Variants in ARHGAP35 observed in about 807,000 individuals in gnomAD.
ARHGAP35 encodes Rho GTPase activating protein 35.
In ARHGAP35, 15 loss-of-function variants were observed where a neutral mutation model predicts 111.1. The ratio of observed to expected loss-of-function variants is 0.13; its 90% confidence interval spans 0.09 to 0.21. The LOEUF is 0.21. Among genes scored for constraint, ARHGAP35 ranks in the 10% least tolerant of loss-of-function variants. The probability of loss-of-function intolerance (pLI) is 1.00; values close to 1 mark genes in which losing one functional copy is unlikely to be tolerated. For missense variants in ARHGAP35, 1,262 were observed against 1,873.0 expected (o/e 0.67, Z 6.02); for synonymous variants, 643 against 710.3 (o/e 0.91, Z 1.51).
intron 1 of ARHGAP35, among the ~76,000 whole-genome samples, chr19:46,888,077 G>A (rs1447221766): frequency 6.7e-5 from 10 of 149,496 alleles, no homozygotes; most frequent in African/African-American, 2.5e-4. Context: ...TCAGCCTCCT[G>A]AGTAGCTGGG....
chr19:46,883,102 C>CT (rs946694181), intron 1 of ARHGAP35, among the ~76,000 whole-genome samples: 47 of 148,194 alleles, frequency 3.2e-4, no homozygotes, highest in Non-Finnish European at 4.4e-4. Flanking sequence ...GGCCTAATTT[C>CT]TTTTTTTTTT....
At chr19:46,863,502 T>A (rs2055840074) in intron 1 of ARHGAP35, among the ~76,000 whole-genome samples, 1 of 152,132 alleles carries the variant, frequency 6.6e-6, no homozygotes, top group Admixed American at 6.5e-5. Context: ...TTTGCAGCTT[T>A]GTGTCCTTTG....
intron 1 of ARHGAP35, among the ~76,000 whole-genome samples, chr19:46,887,777 A>C (rs1310335259): frequency 6.6e-6 from 1 of 152,038 alleles, no homozygotes; most frequent in Non-Finnish European, 1.5e-5. Flanking sequence ...AACAAAATAC[A>C]TAAAGATCAC....
chr19:46,920,979 C>T lies in ARHGAP35; in HGVS notation c.2304C>T (p.Val768=), dbSNP rs1338900245. The part of the protein sequence containing the change: ...LLDSKRNLNL[V]SSTASIKDLA... ...ACTCTAAGCGTAACTTAAACCTGGT[C>T]AGTTCTACTGCTAGCATCAAAGATT... Residue 768 remains valine (V), a synonymous_variant, in exon 2 of 7, where the codon GTC becomes GTT. Transcript: ENST00000672722. The surrounding 1 kb of genome is among the most constrained non-coding windows in gnomAD (Gnocchi z 7.0). 1 of 1,613,972 alleles carries T rather than the reference C, an allele frequency of 6.2e-7. No homozygotes were observed. Among genetic ancestry groups the T allele is most frequent in the Non-Finnish European group, 8.5e-7 (1 of 1,179,902 alleles).
intron 5 of ARHGAP35, among the ~76,000 whole-genome samples, chr19:46,998,466 C>G (rs975211383): frequency 1.4e-4 from 21 of 152,234 alleles, no homozygotes; most frequent in Admixed American, 3.9e-4. Context: ...GCCTCACCAG[C>G]CCCGATGCCC....
intron 1 of ARHGAP35, among the ~76,000 whole-genome samples, chr19:46,877,709 AT>A (rs764786143): frequency 6.7e-5 from 10 of 150,202 alleles, no homozygotes; most frequent in South Asian, 2.1e-4. Flanking sequence ...TATTTTATTA[AT>A]TTTTTTTTTG....
At chr19:46,889,572 C>T (rs1479591192) in intron 1 of ARHGAP35, among the ~76,000 whole-genome samples, 1 of 152,074 alleles carries the variant, frequency 6.6e-6, no homozygotes, top group African/African-American at 2.4e-5. Flanking sequence ...AGACATGGCT[C>T]CTGCTTTTGA....
intron 1 of ARHGAP35, among the ~76,000 whole-genome samples, chr19:46,886,269 C>T (rs1016884198): frequency 3.3e-5 from 5 of 152,116 alleles, no homozygotes; most frequent in Admixed American, 2.6e-4. Context: ...CCACCAGTCA[C>T]GTGTTGCTAC....
At chr19:46,996,885 C>T (rs982391472) in intron 5 of ARHGAP35, among the ~76,000 whole-genome samples, 3 of 151,886 alleles carry the variant, frequency 2.0e-5, no homozygotes, top group African/African-American at 4.8e-5. Context: ...TGGCCGGGTG[C>T]GGTGGCTCAC....
intron 2 of ARHGAP35, 33 bp from the exon 3 acceptor site, chr19:46,937,230 TG>T (rs1265002525): frequency 1.2e-6 from 2 of 1,612,688 alleles, no homozygotes; most frequent in Admixed American, 1.7e-5. Flanking sequence ...ATACTCACTT[TG>T]TTTTTGTGCT....
chr19:46,988,129 G>A lies in ARHGAP35; in HGVS notation c.3904+63G>A, dbSNP rs116564104. On this transcript the variant is annotated intron_variant, in intron 4 of 6. Transcript: ENST00000672722. This position sits in a 1 kb window ranked among gnomAD's most constrained non-coding sequence, Gnocchi z 5.4. The stretch of plus-strand genomic sequence containing the variant: ...TGGTCAAGGCAGACACAGCTGCCTC[G>A]GTGAACTGTCTGTGGGGCTTCGGAG... The A allele has an allele frequency of 4.0e-4, 603 of 1,510,220 alleles. 2 individuals are homozygous for A. In the Middle Eastern group the frequency reaches 4.6e-3, roughly 11 times the overall value. The allele number at this position is 1,510,220 out of a possible 1,614,324, so 93.6% of individuals were successfully genotyped here.
Position 46,985,672 on chromosome 19 carries a change from A to C in ARHGAP35, c.3827-2317A>C, listed in dbSNP as rs1426703122. Among the ~76,000 whole-genome samples the C allele has an allele frequency of 2.6e-5, 4 of 152,226 alleles. No individual in the cohort carries two copies. In the East Asian group the frequency reaches 7.7e-4, roughly 29 times the overall value. On this transcript the variant is annotated intron_variant, in intron 3 of 6. Coordinates refer to ENST00000672722, the MANE Select transcript of ARHGAP35 (RefSeq NM_004491.5). ...GGACAAAGCACCTAGCTCAGTGCACAGCGTGTGACCACTCTGATATGGAAA... is the reference window on the plus strand; with the variant it reads ...GGACAAAGCACCTAGCTCAGTGCACCGCGTGTGACCACTCTGATATGGAAA...
intron 1 of ARHGAP35, among the ~76,000 whole-genome samples, chr19:46,869,698 T>C (rs1246275736): frequency 6.6e-6 from 1 of 152,062 alleles, no homozygotes; most frequent in East Asian, 1.9e-4. Context: ...ACAAATTGAT[T>C]GTGTACAAAT....
In ARHGAP35 at chr19:46,920,949, C is replaced by T. The variant is rs565209931; in HGVS notation, c.2274C>T (p.Leu758=). Residue 758 remains leucine, a synonymous_variant, in exon 2 of 7, where the codon CTC becomes CTT. Coordinates refer to ENST00000672722, the MANE Select transcript of ARHGAP35 (RefSeq NM_004491.5). The surrounding 1 kb of genome is among the most constrained non-coding windows in gnomAD (Gnocchi z 7.0). ...EKQISQVLKG[L]LDSKRNLNLV... ...AAATCAGTCAAGTTTTGAAGGGACT[C>T]CTGGACTCTAAGCGTAACTTAAACC... The T allele has an allele frequency of 9.9e-6, 16 of 1,613,962 alleles. No homozygotes were observed. The highest frequency in any genetic ancestry group is 1.4e-5 in the Non-Finnish European group (16 of 1,179,872).
At chr19:46,963,879 A>G (rs936688325) in intron 3 of ARHGAP35, among the ~76,000 whole-genome samples, 29 of 151,804 alleles carry the variant, frequency 1.9e-4, no homozygotes, top group South Asian at 8.3e-4. Context: ...TAATTTTTTT[A>G]TTTTTTGAGA....
intron 1 of ARHGAP35, among the ~76,000 whole-genome samples, chr19:46,874,818 T>C (rs2055908233): frequency 6.9e-6 from 1 of 145,924 alleles, no homozygotes; most frequent in Admixed American, 6.8e-5. Flanking sequence ...TCCTTTTTTT[T>C]TTTTTTTTTT....
rs2056693641 is a variant in ARHGAP35, at chr19:46,994,079, G to A, written c.4036+4404G>A. 1.3e-5 allele frequency among the ~76,000 whole-genome samples: 2 copies of A among 152,286 alleles called. No homozygotes were observed. The highest frequency in any genetic ancestry group is 1.9e-4 in the East Asian group (1 of 5,176). On this transcript the variant is annotated intron_variant, in intron 5 of 6. Coordinates refer to ENST00000672722, the MANE Select transcript of ARHGAP35 (RefSeq NM_004491.5). The surrounding 1 kb of genome is among the most constrained non-coding windows in gnomAD (Gnocchi z 5.4). The stretch of plus-strand genomic sequence containing the variant: ...GGTTACACCAAAAGTCTGGACGAGC[G>A]GACCTGGGAATCCACAAACCAGCAC...
At chr19:46,943,068 T>C (rs1443908607) in intron 3 of ARHGAP35, among the ~76,000 whole-genome samples, 1 of 150,532 alleles carries the variant, frequency 6.6e-6, no homozygotes, top group African/African-American at 2.5e-5. Flanking sequence ...AGAGACAGAG[T>C]CTCACTCTGT....
At chr19:46,943,188 C>A (rs527521944) in intron 3 of ARHGAP35, among the ~76,000 whole-genome samples, 8 of 152,272 alleles carry the variant, frequency 5.3e-5, no homozygotes, top group African/African-American at 1.9e-4. Context: ...CATGCTCCAC[C>A]ACACTCAGCC....
Sources: gnomAD v4.1 joint callset for allele counts (sites outside exome capture counted in the v4.1 genomes callset) on GRCh38, gnomAD v4.1.1 for gene constraint, Gnocchi (gnomAD v3.1) non-coding constraint, MANE v1.5 for transcripts, NCBI Gene and HGNC (gene_info 2026-07-23, HGNC 2026-07-21) for gene names.